Variants in SLC24A2 observed in about 807,000 individuals in gnomAD.
SLC24A2 encodes solute carrier family 24 member 2, also known as sodium/potassium/calcium exchanger 2.
Under a neutral mutation model 62.0 loss-of-function variants are expected in SLC24A2, and 36 were observed. The ratio of observed to expected loss-of-function variants is 0.58; its 90% CI spans 0.44 to 0.77. The LOEUF is 0.77. SLC24A2 is among the 30% of genes least tolerant of loss of function. SLC24A2 has a pLI of 0.00. For synonymous variants in SLC24A2, 358 were observed against 294.0 expected (o/e 1.22, Z -2.23); for missense variants, 846 against 817.9 (o/e 1.03, Z -0.42).
the SLC24A2 span, among the ~76,000 whole-genome samples, chr9:20,004,832 G>A: frequency 6.6e-6 from 1 of 151,588 alleles, no homozygotes; most frequent in Non-Finnish European, 1.5e-5. Context: ...TCTTCCTTTG[G>A]GATTTCATAA....
At chr9:20,263,874 C>A in the SLC24A2 span, among the ~76,000 whole-genome samples, 3 of 127,196 alleles carry the variant, frequency 2.4e-5, no homozygotes, top group Non-Finnish European at 3.4e-5. Context: ...CCCCCCCCCC[C>A]ATTAAGGCTC....
chr9:20,016,671 A>G, the SLC24A2 span, among the ~76,000 whole-genome samples: 1 of 152,230 alleles, frequency 6.6e-6, no homozygotes, highest in Non-Finnish European at 1.5e-5. Context: ...CATGGAGAAT[A>G]TATTTAAATT....
At chr9:20,012,413 A>T in the SLC24A2 span, among the ~76,000 whole-genome samples, 4 of 152,114 alleles carry the variant, frequency 2.6e-5, no homozygotes, top group Admixed American at 2.6e-4. Context: ...TGATTCAGTT[A>T]CCTCCCACTG....
the SLC24A2 span, chr9:19,928,323 G>A: frequency 6.6e-6 from 1 of 152,208 alleles, no homozygotes; most frequent in Non-Finnish European, 1.5e-5. Context: ...AGACTGCAGG[G>A]TTTCTAGGAG....
chr9:19,812,275 C>CT, the SLC24A2 span, among the ~76,000 whole-genome samples: 1 of 151,996 alleles, frequency 6.6e-6, no homozygotes, highest in Non-Finnish European at 1.5e-5. Flanking sequence ...CCCCCATATT[C>CT]TTTTTTCTCT....
intron 8 of SLC24A2, among the ~76,000 whole-genome samples, chr9:19,536,819 C>T (rs1268001899): frequency 2.6e-5 from 2 of 75,544 alleles, no homozygotes; most frequent in African/African-American, 1.1e-4. Context: ...GTCCCACCAA[C>T]AGTGTAAAAG....
the SLC24A2 span, among the ~76,000 whole-genome samples, chr9:20,097,078 C>T: frequency 5.9e-5 from 9 of 152,182 alleles, no homozygotes; most frequent in Non-Finnish European, 1.0e-4. Context: ...CAATTCTTGG[C>T]TTACACCTAT....
At chr9:20,155,142 G>GA in the SLC24A2 span, among the ~76,000 whole-genome samples, 3 of 114,906 alleles carry the variant, frequency 2.6e-5, no homozygotes, top group African/African-American at 6.9e-5. Flanking sequence ...AAAAAAAAAA[G>GA]AAAAAGAAAA....
chr9:19,550,028 G>C, intron 8 of SLC24A2, 109 bp downstream of exon 8: 1 of 1,119,908 alleles, frequency 8.9e-7, no homozygotes, highest in South Asian at 1.3e-5. Flanking sequence ...GTGAGATTTT[G>C]ATACAAGTGT....
chr9:20,232,402 T>A, the SLC24A2 span, among the ~76,000 whole-genome samples: 3 of 152,204 alleles, frequency 2.0e-5, no homozygotes, highest in Admixed American at 6.5e-5. Context: ...GATTATTGCC[T>A]CAATTTCAGA....
At chr9:20,298,606 T>C in the SLC24A2 span, among the ~76,000 whole-genome samples, 2 of 152,228 alleles carry the variant, frequency 1.3e-5, no homozygotes, top group Admixed American at 1.3e-4. Flanking sequence ...TAATATACAA[T>C]GTTCTATCTC....
chr9:19,543,737 G>A (rs1417056752), intron 8 of SLC24A2, among the ~76,000 whole-genome samples: 1 of 152,176 alleles, frequency 6.6e-6, no homozygotes, highest in Admixed American at 6.5e-5. Flanking sequence ...TAGTTGTGCA[G>A]TTTTGAGTGA....
chr9:20,304,159 C>T, the SLC24A2 span, among the ~76,000 whole-genome samples: 3 of 152,292 alleles, frequency 2.0e-5, no homozygotes, highest in Admixed American at 6.5e-5. Context: ...TTTATTGCTG[C>T]CTCACACAGG....
the SLC24A2 span, among the ~76,000 whole-genome samples, chr9:19,902,273 G>C: frequency 2.2e-4 from 33 of 152,242 alleles, no homozygotes; most frequent in Non-Finnish European, 4.0e-4. Flanking sequence ...TGGTATGATG[G>C]TGTCCATTCA....
chr9:19,957,994 C>T, the SLC24A2 span: 2 of 152,724 alleles, frequency 1.3e-5, no homozygotes, highest in African/African-American at 2.4e-5. Context: ...CTCTATCCTT[C>T]ACCACCAGGA....
the SLC24A2 span, among the ~76,000 whole-genome samples, chr9:20,029,509 T>C: frequency 1.3e-5 from 2 of 152,176 alleles, no homozygotes; most frequent in South Asian, 4.1e-4. Flanking sequence ...TCCATGCTCT[T>C]ATGGGTCTCT....
chr9:19,631,252 C>T (rs1352504649), intron 2 of SLC24A2, among the ~76,000 whole-genome samples: 2 of 152,160 alleles, frequency 1.3e-5, no homozygotes, highest in Non-Finnish European at 2.9e-5. Flanking sequence ...CATAATGAGG[C>T]TGAAGGTAAA....
At chr9:20,099,391 C>A in the SLC24A2 span, among the ~76,000 whole-genome samples, 1 of 152,128 alleles carries the variant, frequency 6.6e-6, no homozygotes, top group Non-Finnish European at 1.5e-5. Flanking sequence ...AAACCATTAC[C>A]TTTTCTGAAC....
chr9:19,975,167 G>A, the SLC24A2 span, among the ~76,000 whole-genome samples: 1 of 152,160 alleles, frequency 6.6e-6, no homozygotes, highest in African/African-American at 2.4e-5. Flanking sequence ...CTGATTTAAA[G>A]GTCTGTGATA....
Sources: gnomAD v4.1 joint callset for allele counts (sites outside exome capture counted in the v4.1 genomes callset) on GRCh38, gnomAD v4.1.1 for gene constraint, MANE v1.5 for transcripts, NCBI Gene and HGNC (gene_info 2026-07-23, HGNC 2026-07-21) for gene names.